The following LARP4 variants were observed in gnomAD, a reference collection of about 807,000 sequenced individuals.
LARP4 encodes the protein La ribonucleoprotein 4.
LARP4 carries 29 observed loss-of-function variants against 92.9 expected under a neutral mutation model. The ratio of observed to expected loss-of-function variants is 0.31; its 90% CI spans 0.23 to 0.43. The LOEUF (loss-of-function observed/expected upper bound fraction) is 0.43. LARP4 is among the 20% of genes least tolerant of loss of function. LARP4 has a pLI of 1.00. For synonymous variants in LARP4, 279 were observed against 284.1 expected (o/e 0.98, Z 0.18); for missense variants, 732 against 860.0 (o/e 0.85, Z 1.86).
chr12:50,455,863 A>G (rs974682628), intron 10 of LARP4, among the ~76,000 whole-genome samples: 5 of 152,142 alleles, frequency 3.3e-5, no homozygotes, highest in Non-Finnish European at 5.9e-5. Flanking sequence ...CCTGGGCAAT[A>G]TGACGAAACA....
chr12:50,450,616 A>G (rs1953016677), intron 8 of LARP4, among the ~76,000 whole-genome samples: 1 of 152,100 alleles, frequency 6.6e-6, no homozygotes, highest in Admixed American at 6.6e-5. Flanking sequence ...CTCCTGCTTC[A>G]ACCTCCCGAG....
chr12:50,431,955 A>G (rs1230901442), intron 4 of LARP4, among the ~76,000 whole-genome samples: 1 of 152,188 alleles, frequency 6.6e-6, no homozygotes, highest in Non-Finnish European at 1.5e-5. Context: ...CCTGGCCAAT[A>G]TGGCAAAATC....
intron 1 of LARP4, among the ~76,000 whole-genome samples, chr12:50,420,334 T>C (rs1453344859): frequency 6.6e-6 from 1 of 152,038 alleles, no homozygotes; most frequent in Non-Finnish European, 1.5e-5. Flanking sequence ...AAATGGAAAA[T>C]AGGAAAACTT....
intron 1 of LARP4, among the ~76,000 whole-genome samples, chr12:50,415,118 G>A (rs959457545): frequency 2.6e-5 from 4 of 152,072 alleles, no homozygotes; most frequent in African/African-American, 4.8e-5. Flanking sequence ...CAGGAGAATC[G>A]CTTGAATCCC....
chr12:50,411,521 G>T (rs1413547690), intron 1 of LARP4, among the ~76,000 whole-genome samples: 1 of 151,722 alleles, frequency 6.6e-6, no homozygotes, highest in East Asian at 1.9e-4. Flanking sequence ...TAGAGATGGG[G>T]TTTCACCATG....
chr12:50,431,803 TCCTGGGCTCCAG>T lies in LARP4; in HGVS notation c.398+1241_398+1252del, dbSNP rs1949697863. 2.6e-5 allele frequency among the ~76,000 whole-genome samples: 4 copies of T among 152,122 alleles called. No homozygotes were observed. The South Asian group carries it at 8.3e-4, about 32-fold the overall frequency. ...AGAGATTGCAGTGAGCTGAGGTTAT[TCCTGGGCTCCAG>T]CCTGGGCGGCAAGAGCGAAATTCCA... On this transcript the variant is annotated intron_variant, in intron 4 of 15. Transcript: ENST00000398473.
At chr12:50,410,539 G>T (rs2136381560) in intron 1 of LARP4, among the ~76,000 whole-genome samples, 1 of 151,556 alleles carries the variant, frequency 6.6e-6, no homozygotes, top group African/African-American at 2.4e-5. Flanking sequence ...CCAAGTAGCT[G>T]GGATTACAGG....
chr12:50,478,044 C>T lies in LARP4; in HGVS notation c.*2180C>T, dbSNP rs1957654863. 1 of 152,390 alleles carries T rather than the reference C, an allele frequency of 6.6e-6. No homozygotes were observed. Among genetic ancestry groups the T allele is most frequent in the African/African-American group, 2.4e-5 (1 of 41,430 alleles). 9.4% of individuals were successfully genotyped at this position (152,390 alleles called of 1,614,324 possible). A position where few individuals can be genotyped will look rare whatever the true frequency, so the allele number is the denominator to read the frequency against. ...ACATTACTTTTTTTAAACAATGTGT[C>T]ACAAATGTAGGTCTGTATTACTTGT... is the stretch of plus-strand genomic sequence containing the variant. On this transcript the variant is annotated 3_prime_UTR_variant, in exon 16 of 16. Coordinates refer to ENST00000398473, the MANE Select transcript of LARP4 (RefSeq NM_052879.5).
At chr12:50,449,500 C>G (rs1952766715) in intron 8 of LARP4, among the ~76,000 whole-genome samples, 3 of 152,000 alleles carry the variant, frequency 2.0e-5, no homozygotes, top group Admixed American at 2.0e-4. Flanking sequence ...TGGAAAGTAG[C>G]TAGATACTGA....
chr12:50,472,195 G>T (rs779791358), intron 13 of LARP4, among the ~76,000 whole-genome samples: 1 of 152,076 alleles, frequency 6.6e-6, no homozygotes, highest in African/African-American at 2.4e-5. Context: ...ACATAACAGC[G>T]TTTACCATCT....
intron 1 of LARP4, among the ~76,000 whole-genome samples, chr12:50,424,397 C>T (rs929772859): frequency 6.7e-6 from 1 of 150,080 alleles, no homozygotes; most frequent in African/African-American, 2.5e-5. Context: ...TCGCTCTTGT[C>T]GCCCAGGCTG....
At chr12:50,425,574 C>A (rs1948584418) in intron 1 of LARP4, among the ~76,000 whole-genome samples, 1 of 152,170 alleles carries the variant, frequency 6.6e-6, no homozygotes, top group Non-Finnish European at 1.5e-5. Context: ...TTATGCTGTA[C>A]CCAAAGAGCT....
intron 1 of LARP4, among the ~76,000 whole-genome samples, chr12:50,404,588 T>G (rs2136219930): frequency 6.6e-6 from 1 of 152,238 alleles, no homozygotes; most frequent in Non-Finnish European, 1.5e-5. Context: ...TGTTTTATTT[T>G]TTTCCTCTTG....
In LARP4 at chr12:50,473,598, G is replaced by A. The variant is rs1462488499; in HGVS notation, c.1667+62G>A. ...TTACTTTTTCTGGCCGGGTGTGGTG[G>A]CTCTCACCTGTAATCCCAGCACTTT... On this transcript the variant is annotated intron_variant, in intron 14 of 15. Coordinates refer to ENST00000398473, the MANE Select transcript of LARP4 (RefSeq NM_052879.5). The A allele has an allele frequency of 7.1e-6, 11 of 1,548,204 alleles. No homozygotes were observed. The African/African-American group carries it at 1.5e-4, about 21-fold the overall frequency.
At chr12:50,437,906 T>A in intron 6 of LARP4, 68 bp downstream of exon 6, 1 of 1,052,586 alleles carries the variant, frequency 9.5e-7, no homozygotes, top group Non-Finnish European at 1.4e-6. Context: ...CTTCTGCCTT[T>A]CGTGGCAAAG....
rs1024500068 is a variant in LARP4, at chr12:50,440,334, C to T, written c.640-105C>T. 1.2e-5 allele frequency: 9 copies of T among 778,190 alleles called. No individual in the cohort carries two copies. The African/African-American group carries it at 1.6e-4, about 14-fold the overall frequency. The allele number at this position is 778,190 out of a possible 1,614,324, so 48.2% of individuals were successfully genotyped here. The stretch of plus-strand genomic sequence containing the variant: ...GCAAAAGTTAAGTGAAGTGATAGGA[C>T]CAAAGACATGAAGATAGGCTTAACA... On this transcript the variant is annotated intron_variant, in intron 6 of 15. Transcript: ENST00000398473.
chr12:50,438,513 G>A (rs2137525470), intron 6 of LARP4, among the ~76,000 whole-genome samples: 1 of 150,232 alleles, frequency 6.7e-6, no homozygotes, highest in South Asian at 2.1e-4. Context: ...AAGGGATTAA[G>A]GAGGCAGGAC....
chr12:50,453,074 CTT>C (rs755416642), intron 8 of LARP4, among the ~76,000 whole-genome samples: 15 of 136,090 alleles, frequency 1.1e-4, no homozygotes, highest in African/African-American at 1.6e-4. Context: ...CCATGCCCAG[CTT>C]TTTTTTTTTT....
At chr12:50,417,111 T>A (rs1336129666) in intron 1 of LARP4, among the ~76,000 whole-genome samples, 1 of 151,806 alleles carries the variant, frequency 6.6e-6, no homozygotes, top group East Asian at 1.9e-4. Context: ...TGTCTTGCTT[T>A]TGAAAATTGA....
Sources: allele counts gnomAD v4.1 joint callset (sites outside exome capture counted in the v4.1 genomes callset), GRCh38; gene constraint gnomAD v4.1.1; transcripts MANE v1.5; gene names NCBI Gene and HGNC (gene_info 2026-07-23, HGNC 2026-07-21).